Variants in DDAH1 observed in about 807,000 individuals in gnomAD.
The protein encoded by DDAH1 is N(G),N(G)-dimethylarginine dimethylaminohydrolase 1.
In DDAH1, 19 loss-of-function variants were observed where a neutral mutation model predicts 28.8. The ratio of observed to expected loss-of-function variants is 0.66; its 90% CI spans 0.46 to 0.97. DDAH1 has a LOEUF of 0.97. Among genes scored for constraint, DDAH1 ranks in the 50% least tolerant of loss-of-function variants. DDAH1 has a pLI of 0.00. For missense variants in DDAH1, 326 were observed against 375.9 expected, an observed-to-expected ratio of 0.87 and a Z score of 1.10; for synonymous variants, 153 against 154.4, an observed-to-expected ratio of 0.99 and a Z score of 0.07.
intron 1 of DDAH1, among the ~76,000 whole-genome samples, chr1:85,413,517 T>C (rs1652752766): frequency 1.3e-5 from 2 of 152,368 alleles, no homozygotes; most frequent in South Asian, 4.1e-4. Flanking sequence ...AGTTAAAATG[T>C]GGCACTTCCT....
At chr1:85,437,488 T>C (rs1312045977) in intron 1 of DDAH1, among the ~76,000 whole-genome samples, 1 of 152,218 alleles carries the variant, frequency 6.6e-6, no homozygotes, top group African/African-American at 2.4e-5. Context: ...AAGATCTTTA[T>C]GATAATCCAC....
chr1:85,358,468 A>G (rs1003423830), intron 2 of DDAH1, among the ~76,000 whole-genome samples: 1 of 151,970 alleles, frequency 6.6e-6, no homozygotes, highest in African/African-American at 2.4e-5. Flanking sequence ...TGGCCAACAT[A>G]GTGAAATCCC....
intron 1 of DDAH1, among the ~76,000 whole-genome samples, chr1:85,506,744 G>T (rs1266619358): frequency 6.6e-6 from 1 of 152,194 alleles, no homozygotes; most frequent in Admixed American, 6.5e-5. Context: ...ACTTTACCAT[G>T]TGGGTGATGA....
At chr1:85,466,715 G>A (rs1655394420), upstream of DDAH1, among the ~76,000 whole-genome samples, 1 of 151,966 alleles carries the variant, frequency 6.6e-6, no homozygotes, top group African/African-American at 2.4e-5. Flanking sequence ...ATCACTTAAT[G>A]GTGTCCTCAG....
At chr1:85,540,131 G>A (rs1658426912) in intron 1 of DDAH1, among the ~76,000 whole-genome samples, 1 of 108,474 alleles carries the variant, frequency 9.2e-6, no homozygotes, top group Non-Finnish European at 2.3e-5. Flanking sequence ...ACACTAAAAT[G>A]AGAAAAAAAT....
chr1:85,430,526 C>A (rs182969591), intron 1 of DDAH1, among the ~76,000 whole-genome samples: 2 of 152,272 alleles, frequency 1.3e-5, no homozygotes, highest in South Asian at 2.1e-4. Flanking sequence ...TCTTCCTATT[C>A]ATGATCATGG....
chr1:85,543,904 T>C (rs1176613551), intron 1 of DDAH1, among the ~76,000 whole-genome samples: 1 of 152,198 alleles, frequency 6.6e-6, no homozygotes, highest in African/African-American at 2.4e-5. Flanking sequence ...TTCATGGGTC[T>C]AGTGGTGAAA....
intron 1 of DDAH1, among the ~76,000 whole-genome samples, chr1:85,442,784 G>C (rs1654261294): frequency 6.6e-6 from 1 of 152,200 alleles, no homozygotes; most frequent in Admixed American, 6.5e-5. Flanking sequence ...GGCCAGTGAT[G>C]ATGAGCATTT....
chr1:85,371,952 T>C (rs1199201509), intron 1 of DDAH1, among the ~76,000 whole-genome samples: 1 of 152,142 alleles, frequency 6.6e-6, no homozygotes, highest in Non-Finnish European at 1.5e-5. Context: ...GGTTTGAGCA[T>C]GATATGCAAG....
chr1:85,450,594 T>A (rs1266276533), intron 1 of DDAH1, among the ~76,000 whole-genome samples: 1 of 152,188 alleles, frequency 6.6e-6, no homozygotes, highest in Non-Finnish European at 1.5e-5. Flanking sequence ...ATCATAACAT[T>A]GCCACTGTAA....
chr1:85,511,065 T>A (rs1657208336), intron 1 of DDAH1, among the ~76,000 whole-genome samples: 1 of 152,140 alleles, frequency 6.6e-6, no homozygotes, highest in Admixed American at 6.6e-5. Flanking sequence ...CAGCACCATA[T>A]CGCATTTACT....
chr1:85,383,851 T>G (rs187307368), intron 1 of DDAH1, among the ~76,000 whole-genome samples: 5 of 152,328 alleles, frequency 3.3e-5, no homozygotes. Flanking sequence ...TTAACTGAGA[T>G]ACATATATAT....
Position 85,450,116 on chromosome 1 carries a change from G to A in DDAH1, c.303+14627C>T, listed in dbSNP as rs183112315. On this transcript the variant is annotated intron_variant, in intron 1 of 5. Transcript: ENST00000284031. ...TTTACAACTTTATGAGACAAGTTGC[G>A]TTTTTTCTTTAGGACACTTACTGGT... 1.1e-4 allele frequency among the ~76,000 whole-genome samples: 16 copies of A among 152,184 alleles called. No homozygotes were observed. In the East Asian group the frequency reaches 2.1e-3, roughly 20 times the overall value.
At chr1:85,510,291 G>A (rs1167037314) in intron 1 of DDAH1, among the ~76,000 whole-genome samples, 1 of 152,188 alleles carries the variant, frequency 6.6e-6, no homozygotes, top group African/African-American at 2.4e-5. Context: ...TTACAGACAA[G>A]CAAATGCTGA....
intron 2 of DDAH1, among the ~76,000 whole-genome samples, chr1:85,490,731 A>G (rs1037487682): frequency 6.6e-6 from 1 of 152,222 alleles, no homozygotes; most frequent in African/African-American, 2.4e-5. Flanking sequence ...ATAATGCCCA[A>G]ATGTTTATAA....
At chr1:85,472,837 C>A (rs906977429) in intron 2 of DDAH1, among the ~76,000 whole-genome samples, 1 of 152,040 alleles carries the variant, frequency 6.6e-6, no homozygotes, top group African/African-American at 2.4e-5. Flanking sequence ...GAACATAGTA[C>A]CCAATAGCAA....
At chr1:85,430,058 T>C (rs1180554251) in intron 1 of DDAH1, among the ~76,000 whole-genome samples, 1 of 152,176 alleles carries the variant, frequency 6.6e-6, no homozygotes, top group East Asian at 1.9e-4. Flanking sequence ...AAGTCTTTAA[T>C]CTATCTTAAT....
At chr1:85,391,241 C>T (rs531881818) in intron 1 of DDAH1, among the ~76,000 whole-genome samples, 40 of 152,256 alleles carry the variant, frequency 2.6e-4, no homozygotes, top group African/African-American at 8.2e-4. Flanking sequence ...TTATACTCTT[C>T]GGACAAAAAC....
At chr1:85,337,257 G>A (rs1648191689) in intron 4 of DDAH1, among the ~76,000 whole-genome samples, 1 of 152,040 alleles carries the variant, frequency 6.6e-6, no homozygotes, top group African/African-American at 2.4e-5. Context: ...GAGGTGAGGT[G>A]TGATTATACA....
Sources: allele counts gnomAD v4.1 joint callset (sites outside exome capture counted in the v4.1 genomes callset), GRCh38; gene constraint gnomAD v4.1.1; transcripts MANE v1.5; gene names NCBI Gene and HGNC (gene_info 2026-07-23, HGNC 2026-07-21).